The following IGFL2 variants were observed in gnomAD, a reference collection of about 807,000 sequenced individuals.
The protein encoded by IGFL2 is IGF like family member 2, also known as insulin growth factor-like family member 2.
In IGFL2, 7 loss-of-function variants were observed where a neutral mutation model predicts 13.9. That is an observed-to-expected ratio of 0.51 (90% CI 0.29 to 0.95). The LOEUF is 0.95. Among genes scored for constraint, IGFL2 ranks in the 40% least tolerant of loss-of-function variants. The pLI is 0.08. For missense variants in IGFL2, 138 were observed against 147.8 expected (o/e 0.93, Z 0.34); for synonymous variants, 55 against 55.8 (o/e 0.99, Z 0.07).
chr19:46,167,231 C>G, the IGFL2 span, among the ~76,000 whole-genome samples: 2 of 152,172 alleles, frequency 1.3e-5, no homozygotes, highest in Non-Finnish European at 2.9e-5. Flanking sequence ...CCTGACTTCC[C>G]GCAACAGGTA....
downstream of IGFL2, chr19:46,164,126 C>G (rs188066064): frequency 2.0e-5 from 3 of 151,712 alleles, no homozygotes; most frequent in African/African-American, 7.3e-5. Flanking sequence ...ACTCTGAGGC[C>G]TGAAGGCTGG....
upstream of IGFL2, among the ~76,000 whole-genome samples, chr19:46,147,169 T>C (rs1319306838): frequency 2.6e-5 from 4 of 152,202 alleles, no homozygotes; most frequent in Non-Finnish European, 5.9e-5. Flanking sequence ...CCCTGCTCTT[T>C]TTCTAGATTA....
chr19:46,170,284 G>GT, the IGFL2 span, among the ~76,000 whole-genome samples: 1 of 152,148 alleles, frequency 6.6e-6, no homozygotes, highest in East Asian at 1.9e-4. Context: ...TGCTGAAGCC[G>GT]TAACAGAAGA....
At chr19:46,215,284 G>A in the IGFL2 span, among the ~76,000 whole-genome samples, 1 of 152,082 alleles carries the variant, frequency 6.6e-6, no homozygotes, top group Non-Finnish European at 1.5e-5. Flanking sequence ...TAAAAACAGT[G>A]CTAAAAATGT....
the IGFL2 span, chr19:46,100,988 G>C: frequency 3.3e-5 from 5 of 152,412 alleles, no homozygotes; most frequent in African/African-American, 1.2e-4. Context: ...TAGGACTGCT[G>C]CAGTTTGCTG....
chr19:46,161,016 T>A, intron 3 of IGFL2, 54 bp from the exon 4 acceptor site: 1 of 1,562,032 alleles, frequency 6.4e-7, no homozygotes, highest in Non-Finnish European at 8.7e-7. Context: ...TCAAATATTT[T>A]CAGTTATCTC....
At chr19:46,178,831 C>T in the IGFL2 span, among the ~76,000 whole-genome samples, 1 of 152,222 alleles carries the variant, frequency 6.6e-6, no homozygotes, top group Non-Finnish European at 1.5e-5. Flanking sequence ...TTGCCTGTAG[C>T]TTCTGTCTCC....
At chr19:46,123,776 CCTGA>C in the IGFL2 span, 1 of 1,253,280 alleles carries the variant, frequency 8.0e-7, no homozygotes, top group South Asian at 1.5e-5. Context: ...CTGCCACCAG[CCTGA>C]CTCTTTTGCC....
the IGFL2 span, among the ~76,000 whole-genome samples, chr19:46,109,032 A>C: frequency 1.3e-5 from 2 of 152,204 alleles, no homozygotes; most frequent in South Asian, 2.1e-4. Context: ...GGGTGAGGAC[A>C]GGGGACTGGT....
the IGFL2 span, chr19:46,203,093 TA>T: frequency 1.3e-5 from 2 of 152,116 alleles, no homozygotes; most frequent in Non-Finnish European, 2.9e-5. Flanking sequence ...CAAAGGGAGA[TA>T]GGGGTACAGC....
the IGFL2 span, among the ~76,000 whole-genome samples, chr19:46,119,720 A>C: frequency 1.6e-5 from 2 of 126,502 alleles, no homozygotes; most frequent in African/African-American, 3.0e-5. Flanking sequence ...AATTTCCCTA[A>C]CCCCTTCACA....
At chr19:46,163,075 T>TA (rs1380769434), downstream of IGFL2, among the ~76,000 whole-genome samples, 1 of 152,184 alleles carries the variant, frequency 6.6e-6, no homozygotes, top group East Asian at 1.9e-4. Flanking sequence ...AGTAAGGTAT[T>TA]ATTTATGTTG....
At chr19:46,103,816 C>T in the IGFL2 span, among the ~76,000 whole-genome samples, 2 of 152,090 alleles carry the variant, frequency 1.3e-5, no homozygotes, top group African/African-American at 2.4e-5. Flanking sequence ...TTACTATTAT[C>T]ATTTAGGAAT....
the IGFL2 span, among the ~76,000 whole-genome samples, chr19:46,177,251 G>A: frequency 2.0e-5 from 3 of 151,984 alleles, no homozygotes; most frequent in Non-Finnish European, 4.4e-5. Flanking sequence ...AAAAATTAGC[G>A]GTGTGGTGGT....
At chr19:46,174,341 C>T in the IGFL2 span, among the ~76,000 whole-genome samples, 6 of 152,074 alleles carry the variant, frequency 3.9e-5, no homozygotes, top group Admixed American at 3.9e-4. Context: ...GGGGACCCGC[C>T]CTTGTGGCTG....
chr19:46,113,110 C>T, the IGFL2 span: 1 of 152,232 alleles, frequency 6.6e-6, no homozygotes, highest in Non-Finnish European at 1.5e-5. Flanking sequence ...GACTAAAACA[C>T]ATCTGTCATA....
chr19:46,162,168 C>G (rs1974200386), downstream of IGFL2, among the ~76,000 whole-genome samples: 1 of 152,310 alleles, frequency 6.6e-6, no homozygotes, highest in South Asian at 2.1e-4. Flanking sequence ...TGCTGTTAGC[C>G]TGATGGGGTT....
chr19:46,137,051 G>A, the IGFL2 span: 1 of 1,593,808 alleles, frequency 6.3e-7, no homozygotes. Flanking sequence ...GATCACTGAT[G>A]GACGAGCCAA....
the IGFL2 span, among the ~76,000 whole-genome samples, chr19:46,082,000 A>G: frequency 6.6e-6 from 1 of 152,234 alleles, no homozygotes; most frequent in Non-Finnish European, 1.5e-5. Context: ...TCATGGCTAG[A>G]AATGGGAGAA....
Sources: gnomAD v4.1 joint callset for allele counts (sites outside exome capture counted in the v4.1 genomes callset) on GRCh38, gnomAD v4.1.1 for gene constraint, MANE v1.5 for transcripts, NCBI Gene and HGNC (gene_info 2026-07-23, HGNC 2026-07-21) for gene names.